Variants in HIVEP2 observed in about 807,000 individuals in gnomAD.
HIVEP2 encodes the protein transcription factor HIVEP2.
Under a neutral mutation model 180.7 loss-of-function variants are expected in HIVEP2, and 14 were observed. The observed-to-expected ratio is 0.08, with a 90% CI of 0.05 to 0.12. The LOEUF is 0.12. Ranked by LOEUF, HIVEP2 falls within the 10% of genes least tolerant of loss-of-function variation. HIVEP2 has a pLI of 1.00. For synonymous variants in HIVEP2, 1,184 were observed against 1,136.4 expected (o/e 1.04, Z -0.84); for missense variants, 2,579 against 3,008.5 (o/e 0.86, Z 3.34).
chr6:142,821,170 C>T (rs916526208), intron 2 of HIVEP2, among the ~76,000 whole-genome samples: 1 of 151,846 alleles, frequency 6.6e-6, no homozygotes, highest in Non-Finnish European at 1.5e-5. Flanking sequence ...TGAATATATA[C>T]AAGCAAGGGA....
At position 142,844,814 on chromosome 6, in the gene HIVEP2, AT is replaced by A. The variant is rs1172270501; in HGVS notation, c.-640-7768del. Among the ~76,000 whole-genome samples, 3 of 152,214 alleles carry A rather than the reference AT, an allele frequency of 2.0e-5. No homozygotes were observed. In the East Asian group the frequency reaches 5.8e-4, roughly 29 times the overall value. On this transcript the variant is annotated intron_variant, in intron 1 of 9. Coordinates refer to ENST00000367603, the MANE Select transcript of HIVEP2 (RefSeq NM_006734.4). ...ACACTCACTAGTGACAAGAAAAAAAATATTAATATGAGAATGCTAAATTACT... is the reference window on the plus strand; with the variant it reads ...ACACTCACTAGTGACAAGAAAAAAAAATTAATATGAGAATGCTAAATTACT...
At chr6:142,822,694 C>A (rs1777071274) in intron 2 of HIVEP2, among the ~76,000 whole-genome samples, 1 of 152,164 alleles carries the variant, frequency 6.6e-6, no homozygotes, top group Non-Finnish European at 1.5e-5. Context: ...TATCTCAGAT[C>A]AATGATTGCA....
chr6:142,774,577 T>G lies in HIVEP2; in HGVS notation c.162A>C (p.Gln54His). 1 of 1,614,220 alleles carries G rather than the reference T, an allele frequency of 6.2e-7. No homozygotes were observed. Among genetic ancestry groups the G allele is most frequent in the Non-Finnish European group, 8.5e-7 (1 of 1,180,044 alleles). The part of the protein sequence containing the change: ...GQRQPQIEPE[Q>H]IGNTASAQLF... ...GTTGTGCTGATGCTGTGTTTCCGAT[T>G]TGCTCAGGCTCTATTTGTGGTTGCC... Residue 54 changes from glutamine (Q) to histidine (H), a missense_variant, in exon 5 of 10, where the codon CAA (glutamine) becomes CAC (histidine). Physicochemically the swap from Gln to His is conservative, Grantham distance 24. Coordinates refer to ENST00000367603, the MANE Select transcript of HIVEP2 (RefSeq NM_006734.4). This position sits in a 1 kb window ranked among gnomAD's most constrained non-coding sequence, Gnocchi z 5.1.
Position 142,764,779 on chromosome 6 carries a change from C to T in HIVEP2, c.5518+20G>A, listed in dbSNP as rs371652249. ...AGCCATAGAGAAGTATTTTTCCTCT[C>T]AAAAAAATCAGACTTGTACCTTTCG... On this transcript the variant is annotated intron_variant, in intron 7 of 9. Transcript: ENST00000367603. 30 of 1,597,928 alleles carry T rather than the reference C, an allele frequency of 1.9e-5. No homozygotes were observed. Among genetic ancestry groups the T allele is most frequent in the South Asian group, 3.4e-5 (3 of 87,922 alleles).
intron 2 of HIVEP2, among the ~76,000 whole-genome samples, chr6:142,807,593 A>G (rs946341370): frequency 6.6e-6 from 1 of 152,156 alleles, no homozygotes; most frequent in Non-Finnish European, 1.5e-5. Context: ...CGCCTTAAAC[A>G]GTAGTCCCAT....
intron 1 of HIVEP2, among the ~76,000 whole-genome samples, chr6:142,870,735 G>A (rs1582928971): frequency 6.6e-6 from 1 of 152,094 alleles, no homozygotes; most frequent in Admixed American, 6.5e-5. Flanking sequence ...GAAAAGTGAA[G>A]CACAAAAAGA....
rs535854207 is a variant in HIVEP2, at chr6:142,845,962, G to C, written c.-640-8915C>G. Among the ~76,000 whole-genome samples, 195 of 152,364 alleles carry C rather than the reference G, an allele frequency of 1.3e-3. 2 individuals carry two copies. The highest frequency in any genetic ancestry group is 4.6e-3 in the African/African-American group (193 of 41,584). ...CAAAGGCAGGCTCCCCCTGCCGCAGGACGATCACTAGGACTGTCAGGCTGT... is the reference window on the plus strand; with the variant it reads ...CAAAGGCAGGCTCCCCCTGCCGCAGCACGATCACTAGGACTGTCAGGCTGT... On this transcript the variant is annotated intron_variant, in intron 1 of 9. Transcript: ENST00000367603.
intron 1 of HIVEP2, among the ~76,000 whole-genome samples, chr6:142,846,649 T>C (rs1002850371): frequency 6.6e-6 from 1 of 152,230 alleles, no homozygotes; most frequent in African/African-American, 2.4e-5. Context: ...CATGAACCTC[T>C]CAGTCACAAA....
chr6:142,888,359 T>C (rs1040381595), intron 1 of HIVEP2, among the ~76,000 whole-genome samples: 1 of 152,158 alleles, frequency 6.6e-6, no homozygotes, highest in South Asian at 2.1e-4. Flanking sequence ...ACTCCTGGAC[T>C]CAAGCAATCC....
rs967239509 is a variant in HIVEP2 at position 142,752,617 on chromosome 6, GTAAA to G, written c.*486_*489del. On this transcript the variant is annotated 3_prime_UTR_variant, in exon 10 of 10. Transcript: ENST00000367603. ...AAAAATGTACAATTTATGAAACAAA[GTAAA>G]TAAATATTAGTATTACAGAATCAGA... 6.5e-6 allele frequency: 1 copy of G among 153,684 alleles called. No individual in the cohort carries two copies. The highest frequency in any genetic ancestry group is 1.5e-5 in the Non-Finnish European group (1 of 68,766). 9.5% of individuals were successfully genotyped at this position (153,684 alleles called of 1,614,324 possible).
In HIVEP2 at chr6:142,853,131, A is replaced by G. The variant is rs180939932; in HGVS notation, c.-640-16084T>C. Among the ~76,000 whole-genome samples the G allele has an allele frequency of 1.5e-3, 233 of 152,310 alleles. 2 individuals carry two copies. In the Middle Eastern group the frequency reaches 0.037, roughly 24 times the overall value. ...TATTTTTCTTTTCCTCTCTTGGCAGATTAAGTTCATTTGGCACAGATTTGT... is the reference window on the plus strand; with the variant it reads ...TATTTTTCTTTTCCTCTCTTGGCAGGTTAAGTTCATTTGGCACAGATTTGT... On this transcript the variant is annotated intron_variant, in intron 1 of 9. Coordinates refer to ENST00000367603, the MANE Select transcript of HIVEP2 (RefSeq NM_006734.4).
chr6:142,896,364 C>T (rs1776993581), intron 1 of HIVEP2, among the ~76,000 whole-genome samples: 1 of 152,168 alleles, frequency 6.6e-6, no homozygotes, highest in Non-Finnish European at 1.5e-5. Flanking sequence ...TTGCCAGCAT[C>T]CCAACTCATC....
At chr6:142,825,576 T>C (rs1185302646) in intron 2 of HIVEP2, among the ~76,000 whole-genome samples, 2 of 152,176 alleles carry the variant, frequency 1.3e-5, no homozygotes, top group African/African-American at 4.8e-5. Context: ...TTAGAAATCA[T>C]TAAGCTATCA....
intron 1 of HIVEP2, among the ~76,000 whole-genome samples, chr6:142,889,887 G>C (rs1054664989): frequency 8.5e-5 from 13 of 152,260 alleles, no homozygotes; most frequent in African/African-American, 3.1e-4. Flanking sequence ...TTGAAATGTG[G>C]CTAGTATAAC....
At chr6:142,808,462 AAG>A (rs1308441044) in intron 2 of HIVEP2, among the ~76,000 whole-genome samples, 2 of 150,202 alleles carry the variant, frequency 1.3e-5, no homozygotes, top group South Asian at 2.1e-4. Context: ...GGATGGAGGG[AAG>A]AGAGAGATGT....
Position 142,882,623 on chromosome 6 carries a change from GA to G in HIVEP2, c.-640-45577del, listed in dbSNP as rs1323089899. 8.1e-5 allele frequency among the ~76,000 whole-genome samples: 11 copies of G among 135,792 alleles called. No individual in the cohort carries two copies. In the South Asian group the frequency reaches 2.8e-3, roughly 35 times the overall value. The allele number at this position is 135,792 out of a possible 152,430, so 89.1% of individuals were successfully genotyped here. A position where few individuals can be genotyped will look rare whatever the true frequency, so the allele number is the denominator to read the frequency against. ...AGCAAGACTCTGTCTATAAAAAACAGAAAGGGGGGGAGGGGAGGGGAGGGAA... is the reference window on the plus strand; with the variant it reads ...AGCAAGACTCTGTCTATAAAAAACAGAAGGGGGGGAGGGGAGGGGAGGGAA... On this transcript the variant is annotated intron_variant, in intron 1 of 9. Transcript: ENST00000367603.
At chr6:142,784,984 T>G (rs1027773234) in intron 2 of HIVEP2, among the ~76,000 whole-genome samples, 1 of 151,820 alleles carries the variant, frequency 6.6e-6, no homozygotes, top group African/African-American at 2.4e-5. Flanking sequence ...GCCTCCCGGG[T>G]TCACGCCATT....
intron 1 of HIVEP2, among the ~76,000 whole-genome samples, chr6:142,918,924 T>C (rs1376969881): frequency 6.6e-6 from 1 of 152,210 alleles, no homozygotes; most frequent in East Asian, 1.9e-4. Context: ...GTTAACACAT[T>C]CATGTTTCTT....
At chr6:142,761,622 C>T (rs1775240442) in intron 7 of HIVEP2, 57 bp from the exon 8 acceptor site, 2 of 893,070 alleles carry the variant, frequency 2.2e-6, no homozygotes, top group Non-Finnish European at 3.8e-6. Flanking sequence ...TTAATAACTG[C>T]TGATAGCTGC....
Sources: gnomAD v4.1 joint callset for allele counts (sites outside exome capture counted in the v4.1 genomes callset) on GRCh38, gnomAD v4.1.1 for gene constraint, Gnocchi (gnomAD v3.1) non-coding constraint, MANE v1.5 for transcripts, NCBI Gene and HGNC (gene_info 2026-07-23, HGNC 2026-07-21) for gene names.